Variants in GFM2 observed in about 807,000 individuals in gnomAD.
GFM2 encodes GTP dependent ribosome recycling factor mitochondrial 2.
In GFM2, 72 loss-of-function variants were observed where a neutral mutation model predicts 95.4. The observed-to-expected ratio is 0.76, with a 90% confidence interval of 0.62 to 0.92. GFM2 has a LOEUF of 0.92. Ranked by LOEUF, GFM2 falls within the 40% of genes least tolerant of loss-of-function variation. The pLI is 0.00. For missense variants in GFM2, 825 were observed against 924.1 expected (o/e 0.89, Z 1.39); for synonymous variants, 276 against 317.5 (o/e 0.87, Z 1.39).
intron 8 of GFM2, among the ~76,000 whole-genome samples, chr5:74,746,839 CT>C (rs1743413425): frequency 6.6e-6 from 1 of 152,054 alleles, no homozygotes; most frequent in African/African-American, 2.4e-5. Context: ...AGGGTCAGAA[CT>C]TGAGGCTAGT....
At chr5:74,751,978 A>T (rs1282320571) in intron 5 of GFM2, among the ~76,000 whole-genome samples, 1 of 152,176 alleles carries the variant, frequency 6.6e-6, no homozygotes, top group East Asian at 1.9e-4. Context: ...GGTTGTTATT[A>T]TAAGGATGAA....
chr5:74,762,694 A>G (rs1386859488), intron 2 of GFM2, among the ~76,000 whole-genome samples: 2 of 152,210 alleles, frequency 1.3e-5, no homozygotes, highest in African/African-American at 2.4e-5. Context: ...CTTGAACACA[A>G]GCACTGCAGT....
At chr5:74,756,249 C>T (rs1321794948) in intron 5 of GFM2, among the ~76,000 whole-genome samples, 1 of 152,082 alleles carries the variant, frequency 6.6e-6, no homozygotes, top group Admixed American at 6.6e-5. Context: ...CCACAGCCAA[C>T]ATTATACATA....
chr5:74,759,675 A>G (rs1311546714), intron 3 of GFM2, among the ~76,000 whole-genome samples: 1 of 152,146 alleles, frequency 6.6e-6, no homozygotes, highest in Non-Finnish European at 1.5e-5. Flanking sequence ...AAAAATACAG[A>G]TTCACCCCAA....
chr5:74,741,534 C>T lies in GFM2; in HGVS notation c.925G>A (p.Glu309Lys). The change falls in exon 11 of 21, where the codon GAA (glutamate) becomes AAA (lysine). Residue 309 changes from glutamate (E) to lysine (K), a missense_variant. Physicochemically the swap from Glu to Lys is moderately conservative, Grantham distance 56. Transcript: ENST00000296805. ...FSENFDLLPA[E>K]KLQTAIHRVT... Reference sequence around the variant, plus strand: ...CATTGAATAATAAAATTTACCTTTTCAGCTGGTAACAAATCAAAATTCTCA... The same window carrying T: ...CATTGAATAATAAAATTTACCTTTTTAGCTGGTAACAAATCAAAATTCTCA... 1 of 1,504,206 alleles carries T rather than the reference C, an allele frequency of 6.6e-7. No individual in the cohort carries two copies. Among genetic ancestry groups the T allele is most frequent in the Non-Finnish European group, 9.2e-7 (1 of 1,091,024 alleles). 93.2% of individuals were successfully genotyped at this position (1,504,206 alleles called of 1,614,324 possible).
In GFM2 at chr5:74,726,043, TAACAGA is replaced by T; in HGVS notation, c.1804_1809del (p.Ser602_Val603del). ...GCATACTCAAACTCAATCACAGGCA[TAACAGA>T]TGATGTTTCAATTGGCCTTGCTTCC... On this transcript the variant is annotated inframe_deletion, in exon 18 of 21. Coordinates refer to ENST00000296805, the MANE Select transcript of GFM2 (RefSeq NM_032380.5). The T allele has an allele frequency of 6.2e-7, 1 of 1,613,538 alleles. No individual in the cohort carries two copies. Among genetic ancestry groups the T allele is most frequent in the Non-Finnish European group, 8.5e-7 (1 of 1,179,776 alleles).
intron 20 of GFM2, among the ~76,000 whole-genome samples, chr5:74,722,039 G>C (rs1260256504): frequency 6.6e-6 from 1 of 152,162 alleles, no homozygotes; most frequent in Non-Finnish European, 1.5e-5. Flanking sequence ...CCAGGTGCCT[G>C]TCCTGGAGCA....
In GFM2 at chr5:74,751,412, G is replaced by T. The variant is rs746336397; in HGVS notation, c.386C>A (p.Thr129Lys). ...GACTCTATAACCTTTCCAATCAAAT[G>T]TAACAGCAGCTGATTGAATAGTAAT... Reference protein sequence around the residue: ...RGITIQSAAVTFDWKGYRVNL... With the variant: ...RGITIQSAAVKFDWKGYRVNL... The change falls in exon 6 of 21, where the codon ACA (threonine) becomes AAA (lysine). Residue 129 changes from threonine (T) to lysine (K), a missense_variant. Thr to Lys is a moderately conservative substitution (Grantham distance 78). Coordinates refer to ENST00000296805, the MANE Select transcript of GFM2 (RefSeq NM_032380.5). The T allele has an allele frequency of 6.8e-6, 11 of 1,612,584 alleles. No homozygotes were observed. The highest frequency in any genetic ancestry group is 9.3e-6 in the Non-Finnish European group (11 of 1,178,664).
At chr5:74,761,018 T>C in intron 2 of GFM2, 32 bp from the exon 3 acceptor site, 1 of 1,256,488 alleles carries the variant, frequency 8.0e-7, no homozygotes, top group Non-Finnish European at 1.2e-6. Context: ...TTGGCATTAA[T>C]TTTATTTTAG....
At chr5:74,759,474 C>A in intron 3 of GFM2, 48 bp from the exon 4 acceptor site, 1 of 1,000,426 alleles carries the variant, frequency 1.0e-6, no homozygotes, top group South Asian at 1.5e-5. Context: ...ATGAAATTTT[C>A]CTTTAATTTA....
intron 17 of GFM2, among the ~76,000 whole-genome samples, chr5:74,728,769 T>TGAG (rs1750273305): frequency 3.6e-5 from 4 of 111,398 alleles, no homozygotes; most frequent in African/African-American, 8.6e-5. Context: ...TTTTTTTTTT[T>TGAG]TTTTTGAGAT....
At chr5:74,765,715 G>A (rs988384990) in intron 1 of GFM2, among the ~76,000 whole-genome samples, 2 of 152,192 alleles carry the variant, frequency 1.3e-5, no homozygotes, top group African/African-American at 4.8e-5. Context: ...CTGCTTCAAA[G>A]GCGGGGCTCG....
chr5:74,737,111 T>G (rs1324693110), intron 14 of GFM2, 126 bp from the exon 15 acceptor site: 6 of 854,578 alleles, frequency 7.0e-6, no homozygotes, highest in Non-Finnish European at 1.1e-5. Context: ...AAAAGAGAAA[T>G]AAAATTCAAA....
At chr5:74,746,413 T>C (rs1480547416) in intron 8 of GFM2, among the ~76,000 whole-genome samples, 2 of 152,220 alleles carry the variant, frequency 1.3e-5, no homozygotes, top group East Asian at 1.9e-4. Context: ...GTATTATTAT[T>C]GTGAGCTTCG....
intron 10 of GFM2, among the ~76,000 whole-genome samples, chr5:74,742,654 A>G (rs996937831): frequency 2.0e-5 from 3 of 150,936 alleles, no homozygotes; most frequent in Non-Finnish European, 2.9e-5. Context: ...TACACAACAT[A>G]AAGTTTACCA....
chr5:74,737,813 G>A (rs1742907542), intron 14 of GFM2, among the ~76,000 whole-genome samples: 1 of 151,980 alleles, frequency 6.6e-6, no homozygotes, highest in African/African-American at 2.4e-5. Flanking sequence ...TATTTTCATC[G>A]ATTCATCCTA....
chr5:74,748,095 CAGG>C (rs1229787133), intron 7 of GFM2, among the ~76,000 whole-genome samples: 1 of 152,130 alleles, frequency 6.6e-6, no homozygotes, highest in African/African-American at 2.4e-5. Context: ...AACTGAGAAT[CAGG>C]AGACCTACTT....
At chr5:74,761,936 G>A (rs1290019625) in intron 2 of GFM2, among the ~76,000 whole-genome samples, 1 of 152,076 alleles carries the variant, frequency 6.6e-6, no homozygotes, top group African/African-American at 2.4e-5. Context: ...CAAGTTTCTG[G>A]CAATAATAAG....
chr5:74,725,930 G>A lies in GFM2; in HGVS notation c.1912+11C>T, dbSNP rs115273629. ...GGGATACTAATGCTTACTCTCATTTGAGTGTCTTACCTTGGAGACATGCGC... is the reference window on the plus strand; with the variant it reads ...GGGATACTAATGCTTACTCTCATTTAAGTGTCTTACCTTGGAGACATGCGC... On this transcript the variant is annotated intron_variant, in intron 18 of 20. Coordinates refer to ENST00000296805, the MANE Select transcript of GFM2 (RefSeq NM_032380.5). The A allele has an allele frequency of 6.4e-4, 1,023 of 1,601,280 alleles. 10 individuals carry two copies. The African/African-American group carries it at 0.012, about 19-fold the overall frequency.
Sources: gnomAD v4.1 joint callset for allele counts (sites outside exome capture counted in the v4.1 genomes callset) on GRCh38, gnomAD v4.1.1 for gene constraint, MANE v1.5 for transcripts, NCBI Gene and HGNC (gene_info 2026-07-23, HGNC 2026-07-21) for gene names.